Variants in ARHGAP18 observed in about 807,000 individuals in gnomAD.
ARHGAP18 encodes the protein rho GTPase-activating protein 18.
Under a neutral mutation model 86.2 loss-of-function variants are expected in ARHGAP18, and 67 were observed. The observed-to-expected ratio is 0.78, with a 90% CI of 0.64 to 0.95. ARHGAP18 has a LOEUF of 0.95. Among genes scored for constraint, ARHGAP18 ranks in the 40% least tolerant of loss-of-function variants. ARHGAP18 has a pLI of 0.00. For missense variants in ARHGAP18, 691 were observed against 780.4 expected (o/e 0.89, Z 1.37); for synonymous variants, 283 against 280.4 (o/e 1.01, Z -0.09).
Position 129,639,236 on chromosome 6 carries a change from G to T in ARHGAP18, c.317-607C>A, listed in dbSNP as rs80122807. Among the ~76,000 whole-genome samples, 933 of 152,132 alleles carry T rather than the reference G, an allele frequency of 6.1e-3. 11 individuals carry two copies. Among genetic ancestry groups the T allele is most frequent in the African/African-American group, 0.022 (899 of 41,494 alleles). The stretch of plus-strand genomic sequence containing the variant: ...ATATCCAGCAAAAAAAACTTATATA[G>T]GAAGATAATCAAACAACAATCAATT... On this transcript the variant is annotated intron_variant, in intron 2 of 14. Coordinates refer to ENST00000368149, the MANE Select transcript of ARHGAP18 (RefSeq NM_033515.3).
intron 1 of ARHGAP18, among the ~76,000 whole-genome samples, chr6:129,664,863 G>A (rs1418258615): frequency 1.3e-5 from 2 of 152,174 alleles, no homozygotes; most frequent in Non-Finnish European, 2.9e-5. Flanking sequence ...GGGTAGCAGG[G>A]AGCAGTTTAT....
intron 10 of ARHGAP18, among the ~76,000 whole-genome samples, chr6:129,602,989 A>T (rs1202074182): frequency 1.3e-5 from 2 of 149,372 alleles, no homozygotes; most frequent in African/African-American, 2.5e-5. Context: ...TTTCCCCTTT[A>T]TATATATATA....
rs562131511 is a variant in ARHGAP18, at chr6:129,586,532, A to T, written c.1714-2420T>A. Among the ~76,000 whole-genome samples the T allele has an allele frequency of 9.5e-4, 144 of 152,276 alleles. 2 individuals are homozygous for T. The highest frequency in any genetic ancestry group is 4.1e-4 in the Non-Finnish European group (28 of 68,026). ...AAATCCTGGTTAAGTCATAGTGTCA[A>T]ATATCCTTATATACAGGTTTATCAG... On this transcript the variant is annotated intron_variant, in intron 12 of 14. Coordinates refer to ENST00000368149, the MANE Select transcript of ARHGAP18 (RefSeq NM_033515.3).
chr6:129,609,012 A>C (rs1788918555), intron 8 of ARHGAP18, among the ~76,000 whole-genome samples: 1 of 151,286 alleles, frequency 6.6e-6, no homozygotes, highest in African/African-American at 2.4e-5. Flanking sequence ...GAGGAAAAAA[A>C]AAAGAGGAGG....
chr6:129,684,755 G>A (rs1460747613), intron 1 of ARHGAP18, among the ~76,000 whole-genome samples: 2 of 152,106 alleles, frequency 1.3e-5, no homozygotes, highest in Non-Finnish European at 2.9e-5. Flanking sequence ...TACACAGATT[G>A]ACCATACTTT....
At chr6:129,613,092 G>A (rs554133583) in intron 7 of ARHGAP18, among the ~76,000 whole-genome samples, 4 of 152,066 alleles carry the variant, frequency 2.6e-5, no homozygotes, top group African/African-American at 9.6e-5. Context: ...AATTAGCCAG[G>A]CGTGGTGGCA....
intron 1 of ARHGAP18, among the ~76,000 whole-genome samples, chr6:129,674,292 G>T (rs1354842751): frequency 6.6e-6 from 1 of 152,296 alleles, no homozygotes; most frequent in East Asian, 1.9e-4. Flanking sequence ...GTGAAATCTT[G>T]AATGTCACTT....
rs1788222034 is a variant in ARHGAP18 at position 129,578,380 on chromosome 6, C to T, written c.*133G>A. Reference sequence around the variant, plus strand: ...AGCACAAATCTATGACTTTTTAAGGCTTAAGAGAGTCATTTTTAAATACTT... The same window carrying T: ...AGCACAAATCTATGACTTTTTAAGGTTTAAGAGAGTCATTTTTAAATACTT... On this transcript the variant is annotated 3_prime_UTR_variant, in exon 15 of 15. Coordinates refer to ENST00000368149, the MANE Select transcript of ARHGAP18 (RefSeq NM_033515.3). 2 of 503,826 alleles carry T rather than the reference C, an allele frequency of 4.0e-6. No individual in the cohort carries two copies. The highest frequency in any genetic ancestry group is 4.3e-5 in the South Asian group (1 of 23,022). The allele number at this position is 503,826 out of a possible 1,614,324, so 31.2% of individuals were successfully genotyped here.
At chr6:129,682,891 T>C (rs1246068381) in intron 1 of ARHGAP18, among the ~76,000 whole-genome samples, 1 of 152,220 alleles carries the variant, frequency 6.6e-6, no homozygotes, top group Admixed American at 6.5e-5. Context: ...AACCATATAA[T>C]ACATTTTAAT....
At chr6:129,631,655 A>G (rs775499333) in intron 4 of ARHGAP18, among the ~76,000 whole-genome samples, 1 of 152,124 alleles carries the variant, frequency 6.6e-6, no homozygotes, top group Non-Finnish European at 1.5e-5. Context: ...CTGGGTTACA[A>G]ACATTTTGCA....
chr6:129,638,836 T>G (rs1488698778), intron 2 of ARHGAP18, among the ~76,000 whole-genome samples: 2 of 152,248 alleles, frequency 1.3e-5, no homozygotes, highest in Non-Finnish European at 2.9e-5. Flanking sequence ...TCAATTAAAA[T>G]TTTTAAATGA....
At chr6:129,579,120 T>C (rs1322209356) in intron 14 of ARHGAP18, among the ~76,000 whole-genome samples, 2 of 152,212 alleles carry the variant, frequency 1.3e-5, no homozygotes, top group Non-Finnish European at 2.9e-5. Context: ...GAAAATACTT[T>C]GTATGATAGG....
At chr6:129,688,301 T>C (rs181113481) in intron 1 of ARHGAP18, among the ~76,000 whole-genome samples, 6 of 152,298 alleles carry the variant, frequency 3.9e-5, no homozygotes, top group African/African-American at 1.4e-4. Flanking sequence ...CTGATCTTCT[T>C]AGTTGGATGT....
At chr6:129,643,873 A>C (rs1439980447) in intron 1 of ARHGAP18, among the ~76,000 whole-genome samples, 1 of 152,256 alleles carries the variant, frequency 6.6e-6, no homozygotes, top group Non-Finnish European at 1.5e-5. Flanking sequence ...GAATCTATCC[A>C]GCAGCTTAAT....
At chr6:129,584,471 C>T (rs556669014) in intron 12 of ARHGAP18, among the ~76,000 whole-genome samples, 4 of 152,266 alleles carry the variant, frequency 2.6e-5, no homozygotes, top group African/African-American at 7.2e-5. Context: ...ACTCTGTGTG[C>T]TACTGCAGTA....
chr6:129,674,252 T>C (rs1774191373), intron 1 of ARHGAP18, among the ~76,000 whole-genome samples: 2 of 152,192 alleles, frequency 1.3e-5, no homozygotes, highest in Admixed American at 1.3e-4. Flanking sequence ...AAAGACACCA[T>C]AGGCTGCCTG....
chr6:129,638,269 A>C, intron 3 of ARHGAP18, 125 bp downstream of exon 3: 1 of 938,368 alleles, frequency 1.1e-6, no homozygotes, highest in Non-Finnish European at 1.6e-6. Flanking sequence ...CTGCAAGCAT[A>C]GAGCTTTGGT....
At chr6:129,702,174 T>C (rs943341950) in intron 1 of ARHGAP18, among the ~76,000 whole-genome samples, 3 of 152,172 alleles carry the variant, frequency 2.0e-5, no homozygotes, top group South Asian at 4.1e-4. Context: ...GACTTAAGTA[T>C]GGAAAAAAAC....
In ARHGAP18 at chr6:129,660,900, G is replaced by A. The variant is rs140429555; in HGVS notation, c.114-18882C>T. 3.4e-4 allele frequency among the ~76,000 whole-genome samples: 51 copies of A among 151,680 alleles called. No homozygotes were observed. In the East Asian group the frequency reaches 7.6e-3, roughly 23 times the overall value. ...GTGTGTGGTGTGAGGGAGTATGCATGTTTGGAATTGAAATAAAGAATCATC... is the reference window on the plus strand; with the variant it reads ...GTGTGTGGTGTGAGGGAGTATGCATATTTGGAATTGAAATAAAGAATCATC... On this transcript the variant is annotated intron_variant, in intron 1 of 14. Transcript: ENST00000368149.
Sources: allele counts gnomAD v4.1 joint callset (sites outside exome capture counted in the v4.1 genomes callset), GRCh38; gene constraint gnomAD v4.1.1; transcripts MANE v1.5; gene names NCBI Gene and HGNC (gene_info 2026-07-23, HGNC 2026-07-21).